Variants in LHPP observed in about 807,000 individuals in gnomAD.
LHPP encodes the protein hLHPP.
Under a neutral mutation model 30.3 loss-of-function variants are expected in LHPP, and 24 were observed. That is an observed-to-expected ratio of 0.79 (90% CI 0.57 to 1.11). The LOEUF is 1.11. Among genes scored for constraint, LHPP ranks in the 50% most tolerant of loss-of-function variants. The pLI is 0.00. For synonymous variants in LHPP, 150 were observed against 157.1 expected, an observed-to-expected ratio of 0.95 and a Z score of 0.34; for missense variants, 356 against 367.2, an observed-to-expected ratio of 0.97 and a Z score of 0.25.
intron 6 of LHPP, among the ~76,000 whole-genome samples, chr10:124,558,842 A>G (rs1257983341): frequency 6.6e-6 from 1 of 152,242 alleles, no homozygotes; most frequent in African/African-American, 2.4e-5. Flanking sequence ...ATGCATTCCC[A>G]TGCGTAGCGA....
At chr10:124,515,725 TGAA>T (rs1954433861) in intron 5 of LHPP, among the ~76,000 whole-genome samples, 1 of 152,224 alleles carries the variant, frequency 6.6e-6, no homozygotes, top group Non-Finnish European at 1.5e-5. Flanking sequence ...TTCCTCATAG[TGAA>T]GCCAGCGGCT....
intron 6 of LHPP, among the ~76,000 whole-genome samples, chr10:124,585,257 T>C (rs553806629): frequency 3.6e-4 from 55 of 152,358 alleles, no homozygotes; most frequent in African/African-American, 1.2e-3. Context: ...TATTTTATTC[T>C]TTTTGAGCTA....
intron 3 of LHPP, among the ~76,000 whole-genome samples, chr10:124,491,789 G>A (rs990004826): frequency 6.6e-6 from 1 of 152,322 alleles, no homozygotes; most frequent in Admixed American, 6.5e-5. Flanking sequence ...GCCAGGTGTG[G>A]TGGTGCGTGC....
intron 1 of LHPP, among the ~76,000 whole-genome samples, chr10:124,474,531 T>C (rs1207084715): frequency 1.3e-5 from 2 of 152,200 alleles, no homozygotes; most frequent in African/African-American, 4.8e-5. Context: ...CATCTGTTTG[T>C]ATTTTCATGA....
rs556074222 is a variant in LHPP at position 124,463,366 on chromosome 10, A to G, written c.125+1379A>G. 7.5e-5 allele frequency among the ~76,000 whole-genome samples: 11 copies of G among 146,842 alleles called. No homozygotes were observed. The East Asian group carries it at 2.2e-3, about 29-fold the overall frequency. On this transcript the variant is annotated intron_variant, in intron 1 of 6. Coordinates refer to ENST00000368842, the MANE Select transcript of LHPP (RefSeq NM_022126.4). ...TGCCAGCCAAGACTTGACCATGAGGACACTTTTTTTTTTTTGAGACAGTTT... is the reference window on the plus strand; with the variant it reads ...TGCCAGCCAAGACTTGACCATGAGGGCACTTTTTTTTTTTTGAGACAGTTT...
chr10:124,564,973 G>C (rs1948465413), intron 6 of LHPP, among the ~76,000 whole-genome samples: 1 of 152,216 alleles, frequency 6.6e-6, no homozygotes, highest in Non-Finnish European at 1.5e-5. Context: ...AGACGCAAAG[G>C]CATGAGAATG....
At chr10:124,467,132 A>G (rs973362175) in intron 1 of LHPP, among the ~76,000 whole-genome samples, 10 of 151,638 alleles carry the variant, frequency 6.6e-5, no homozygotes, top group Non-Finnish European at 1.3e-4. Flanking sequence ...AAAAAAAACC[A>G]TTGTTTTTTA....
At chr10:124,472,934 A>T (rs1952831322) in intron 1 of LHPP, among the ~76,000 whole-genome samples, 1 of 152,194 alleles carries the variant, frequency 6.6e-6, no homozygotes, top group African/African-American at 2.4e-5. Context: ...TCATAATAGA[A>T]TCACAAACTT....
intron 6 of LHPP, chr10:124,526,115 G>A: frequency 1.1e-6 from 1 of 913,064 alleles, no homozygotes; most frequent in Non-Finnish European, 1.3e-6. Flanking sequence ...GACAGGGATT[G>A]AGGGAGCGTC....
chr10:124,484,292 G>A lies in LHPP; in HGVS notation c.279G>A (p.Glu93=), dbSNP rs200998493. 2.5e-6 allele frequency: 4 copies of A among 1,614,004 alleles called. No individual in the cohort carries two copies. Among genetic ancestry groups the A allele is most frequent in the Non-Finnish European group, 2.5e-6 (3 of 1,179,972 alleles). ...PAPAACQILK[E]QGLRPYLLIH... Reference sequence around the variant, plus strand: ...CAGCTGCCTGCCAGATCCTGAAGGAGCAAGGCCTGCGACCATACCTGCTCA... The same window carrying A: ...CAGCTGCCTGCCAGATCCTGAAGGAACAAGGCCTGCGACCATACCTGCTCA... The change falls in exon 2 of 7, where the codon GAG becomes GAA. Residue 93 remains glutamate (E), a synonymous_variant. Transcript: ENST00000368842.
chr10:124,479,402 G>T (rs11593054), intron 1 of LHPP, among the ~76,000 whole-genome samples: 30,493 of 152,246 alleles, frequency 0.2, 3,839 homozygotes, highest in Non-Finnish European at 0.28. Flanking sequence ...GGCTTAGTCT[G>T]TGACATCTGG....
intron 1 of LHPP, among the ~76,000 whole-genome samples, chr10:124,471,509 A>G (rs1374662622): frequency 0.75 from 31,652 of 41,936 alleles, 13,399 homozygotes; most frequent in East Asian, 0.89. Flanking sequence ...TTTATATATT[A>G]TATATATTTA....
chr10:124,601,222 G>A (rs1247659231), intron 6 of LHPP, among the ~76,000 whole-genome samples: 2 of 152,320 alleles, frequency 1.3e-5, no homozygotes, highest in African/African-American at 2.4e-5. Context: ...TAGTGGGAGT[G>A]TGGCAGGCTG....
rs533163261 is a variant in LHPP, at chr10:124,507,133, G to A, written c.624+9005G>A. On this transcript the variant is annotated intron_variant, in intron 5 of 6. Coordinates refer to ENST00000368842, the MANE Select transcript of LHPP (RefSeq NM_022126.4). ...GCAGGGGTAGACAGGATTTCAGGTC[G>A]GGGGGTTAGAGAGGATTTCAGGTGG... Among the ~76,000 whole-genome samples the A allele has an allele frequency of 6.2e-4, 47 of 75,532 alleles. 2 individuals are homozygous for A. Among genetic ancestry groups the A allele is most frequent in the African/African-American group, 1.9e-3 (41 of 21,518 alleles). The allele number at this position is 75,532 out of a possible 152,430, so 49.6% of individuals were successfully genotyped here. A position where few individuals can be genotyped will look rare whatever the true frequency, so the allele number is the denominator to read the frequency against.
chr10:124,476,874 T>A (rs1376300030), intron 1 of LHPP, among the ~76,000 whole-genome samples: 2 of 152,118 alleles, frequency 1.3e-5, no homozygotes, highest in Non-Finnish European at 2.9e-5. Flanking sequence ...GATCTGAAAA[T>A]TAGACAGTGG....
intron 6 of LHPP, among the ~76,000 whole-genome samples, chr10:124,598,186 G>A (rs1948974732): frequency 6.6e-6 from 1 of 152,246 alleles, no homozygotes; most frequent in Non-Finnish European, 1.5e-5. Flanking sequence ...GGTCCCCAGT[G>A]GGAGGACTCT....
At chr10:124,565,976 G>A (rs911429693) in intron 6 of LHPP, among the ~76,000 whole-genome samples, 15 of 152,372 alleles carry the variant, frequency 9.8e-5, no homozygotes, top group African/African-American at 2.9e-4. Flanking sequence ...CCTGCAGTCC[G>A]CAGAGGGCCT....
intron 6 of LHPP, among the ~76,000 whole-genome samples, chr10:124,575,231 G>A (rs1014901243): frequency 2.6e-5 from 4 of 152,128 alleles, no homozygotes; most frequent in South Asian, 2.1e-4. Flanking sequence ...GTCATGAAGC[G>A]GCGTGCACCC....
At chr10:124,483,811 G>C (rs1953224794) in intron 1 of LHPP, among the ~76,000 whole-genome samples, 1 of 150,450 alleles carries the variant, frequency 6.6e-6, no homozygotes, top group South Asian at 2.1e-4. Context: ...GAGGCGGGGG[G>C]ACAGAGTTGC....
Sources: allele counts gnomAD v4.1 joint callset (sites outside exome capture counted in the v4.1 genomes callset), GRCh38; gene constraint gnomAD v4.1.1; transcripts MANE v1.5; gene names NCBI Gene and HGNC (gene_info 2026-07-23, HGNC 2026-07-21).